The following KCNT2 variants were observed in gnomAD, a reference collection of about 807,000 sequenced individuals.
KCNT2 encodes the protein potassium sodium-activated channel subfamily T member 2.
Under a neutral mutation model 153.8 loss-of-function variants are expected in KCNT2, and 67 were observed. That is an observed-to-expected ratio of 0.44 (90% CI 0.36 to 0.53). KCNT2 has a LOEUF of 0.53. Ranked by LOEUF, KCNT2 falls within the 20% of genes least tolerant of loss-of-function variation. The probability of loss-of-function intolerance (pLI) is 0.00; values close to 1 mark genes in which losing one functional copy is unlikely to be tolerated. For synonymous variants in KCNT2, 500 were observed against 458.8 expected (o/e 1.09, Z -1.15); for missense variants, 975 against 1,354.8 (o/e 0.72, Z 4.40).
chr1:196,601,109 C>A (rs1664671940), intron 1 of KCNT2, among the ~76,000 whole-genome samples: 1 of 152,222 alleles, frequency 6.6e-6, no homozygotes, highest in Non-Finnish European at 1.5e-5. Context: ...CTCCTCAGTT[C>A]CTTGAAAATG....
At chr1:196,555,347 A>G (rs920550952) in intron 1 of KCNT2, among the ~76,000 whole-genome samples, 2 of 151,500 alleles carry the variant, frequency 1.3e-5, no homozygotes, top group Non-Finnish European at 3.0e-5. Context: ...TAGCATTTCT[A>G]TATGCCAACA....
At chr1:196,430,624 T>C (rs1357532626) in intron 8 of KCNT2, among the ~76,000 whole-genome samples, 4 of 152,134 alleles carry the variant, frequency 2.6e-5, no homozygotes, top group Non-Finnish European at 5.9e-5. Context: ...CAGCACAAAA[T>C]GGACTAAGAC....
At chr1:196,360,114 T>G (rs1300740163) in intron 14 of KCNT2, among the ~76,000 whole-genome samples, 5 of 152,214 alleles carry the variant, frequency 3.3e-5, no homozygotes, top group African/African-American at 1.2e-4. Flanking sequence ...AAGTAGATTT[T>G]GGGATACATC....
chr1:196,480,199 A>C (rs183111498), intron 4 of KCNT2, among the ~76,000 whole-genome samples: 1 of 152,210 alleles, frequency 6.6e-6, no homozygotes, highest in Admixed American at 6.5e-5. Flanking sequence ...AGCAAATATA[A>C]ACAAAAAGTG....
At chr1:196,229,212 A>T (rs1189060204) in intron 27 of KCNT2, among the ~76,000 whole-genome samples, 1 of 151,956 alleles carries the variant, frequency 6.6e-6, no homozygotes, top group Non-Finnish European at 1.5e-5. Flanking sequence ...TCCGTTGGAG[A>T]CATTTTTTCC....
intron 25 of KCNT2, among the ~76,000 whole-genome samples, chr1:196,277,278 G>C (rs1165871655): frequency 5.9e-5 from 9 of 152,076 alleles, no homozygotes; most frequent in African/African-American, 2.2e-4. Context: ...CTCTGGGTGA[G>C]ATTCTTTTTA....
Position 196,552,417 on chromosome 1 carries a change from G to A in KCNT2, c.95+55798C>T, listed in dbSNP as rs538279602. On this transcript the variant is annotated intron_variant, in intron 1 of 27. Coordinates refer to ENST00000294725, the MANE Select transcript of KCNT2 (RefSeq NM_198503.5). Reference sequence around the variant, plus strand: ...ACTTTTACCCTAGAATAATGTATCTGGCAAAAATATCCTTTAAGCATGCAG... The same window carrying A: ...ACTTTTACCCTAGAATAATGTATCTAGCAAAAATATCCTTTAAGCATGCAG... 1.3e-5 allele frequency among the ~76,000 whole-genome samples: 2 copies of A among 151,208 alleles called. 1 individual carries two copies. Among genetic ancestry groups the A allele is most frequent in the African/African-American group, 4.8e-5 (2 of 41,306 alleles).
rs186360619 is a variant in KCNT2 at position 196,254,613 on chromosome 1, A to G, written c.3211+3581T>C. 3.3e-5 allele frequency among the ~76,000 whole-genome samples: 5 copies of G among 151,702 alleles called. No homozygotes were observed. The East Asian group carries it at 9.6e-4, about 29-fold the overall frequency. ...TATTCGTTAAAAAATACGAAAACTT[A>G]TGAGCTGAAAACAGAAGATGATGGT... On this transcript the variant is annotated intron_variant, in intron 26 of 27. Coordinates refer to ENST00000294725, the MANE Select transcript of KCNT2 (RefSeq NM_198503.5).
At chr1:196,392,467 T>C (rs1670577162) in intron 13 of KCNT2, among the ~76,000 whole-genome samples, 1 of 151,394 alleles carries the variant, frequency 6.6e-6, no homozygotes, top group South Asian at 2.1e-4. Flanking sequence ...GTTGTAAAAA[T>C]GAAGTTTAAA....
chr1:196,387,739 C>T (rs1218525159), intron 13 of KCNT2, among the ~76,000 whole-genome samples: 5 of 151,782 alleles, frequency 3.3e-5, no homozygotes, highest in African/African-American at 1.2e-4. Context: ...CCGTTCGATT[C>T]TTCTACCTAT....
chr1:196,250,296 C>A (rs1480177736), intron 26 of KCNT2, among the ~76,000 whole-genome samples: 2 of 152,004 alleles, frequency 1.3e-5, no homozygotes, highest in African/African-American at 2.4e-5. Context: ...ACACACAGAC[C>A]AATGGAACAG....
chr1:196,291,801 T>C (rs374284125), intron 22 of KCNT2, among the ~76,000 whole-genome samples: 2 of 152,184 alleles, frequency 1.3e-5, no homozygotes, highest in Non-Finnish European at 2.9e-5. Flanking sequence ...GAACCAGATA[T>C]CATAGGTCAT....
chr1:196,578,267 C>G (rs1661605424), intron 1 of KCNT2, among the ~76,000 whole-genome samples: 1 of 151,106 alleles, frequency 6.6e-6, no homozygotes, highest in African/African-American at 2.4e-5. Context: ...TCAGTTGTAA[C>G]CGATCCAGAA....
Position 196,327,341 on chromosome 1 carries a change from CCTAA to C in KCNT2, c.2104-456_2104-453del, listed in dbSNP as rs547582492. On this transcript the variant is annotated intron_variant, in intron 18 of 27. Coordinates refer to ENST00000294725, the MANE Select transcript of KCNT2 (RefSeq NM_198503.5). ...AAAAAAAACCAAAAAACAAAAAACC[CCTAA>C]CTGTCTACATGCATATTTGAGCTGG... 2.9e-3 allele frequency among the ~76,000 whole-genome samples: 433 copies of C among 151,534 alleles called. 9 individuals carry two copies. Among genetic ancestry groups the C allele is most frequent in the Non-Finnish European group, 1.4e-3 (98 of 67,852 alleles).
intron 1 of KCNT2, among the ~76,000 whole-genome samples, chr1:196,555,904 G>T (rs1338519525): frequency 1.3e-5 from 2 of 151,310 alleles, no homozygotes; most frequent in Non-Finnish European, 3.0e-5. Flanking sequence ...ATTGGGGAAA[G>T]GACAGTCTCT....
intron 14 of KCNT2, among the ~76,000 whole-genome samples, chr1:196,359,393 T>G (rs893853585): frequency 6.6e-6 from 1 of 152,024 alleles, no homozygotes; most frequent in African/African-American, 2.4e-5. Context: ...TATTAAAAAT[T>G]TCTTTTTCCT....
intron 13 of KCNT2, among the ~76,000 whole-genome samples, chr1:196,375,072 CA>C (rs1272254346): frequency 2.0e-5 from 3 of 151,554 alleles, no homozygotes; most frequent in Admixed American, 2.0e-4. Context: ...TATTTTCCTT[CA>C]ATAGTTAAAA....
At chr1:196,400,201 G>A (rs1042886381) in intron 12 of KCNT2, among the ~76,000 whole-genome samples, 3 of 151,682 alleles carry the variant, frequency 2.0e-5, no homozygotes, top group Non-Finnish European at 4.4e-5. Context: ...TCTGAGGTTT[G>A]AGGGTTATAG....
intron 14 of KCNT2, among the ~76,000 whole-genome samples, chr1:196,355,695 C>A (rs922473394): frequency 2.6e-5 from 4 of 151,646 alleles, no homozygotes; most frequent in Non-Finnish European, 5.9e-5. Flanking sequence ...ACAAAAAATA[C>A]CCTAAAATTG....
Sources: gnomAD v4.1 joint callset for allele counts (sites outside exome capture counted in the v4.1 genomes callset) on GRCh38, gnomAD v4.1.1 for gene constraint, MANE v1.5 for transcripts, NCBI Gene and HGNC (gene_info 2026-07-23, HGNC 2026-07-21) for gene names.